Variants in PTK2 observed in about 807,000 individuals in gnomAD.
The protein encoded by PTK2 is focal adhesion kinase 1.
Under a neutral mutation model 150.1 loss-of-function variants are expected in PTK2, and 45 were observed. That is an observed-to-expected ratio of 0.30 (90% CI 0.24 to 0.38). The LOEUF is 0.38. Among genes scored for constraint, PTK2 ranks in the 10% least tolerant of loss-of-function variants. PTK2 has a pLI of 1.00. For synonymous variants in PTK2, 432 were observed against 449.2 expected (o/e 0.96, Z 0.48); for missense variants, 919 against 1,307.3 (o/e 0.70, Z 4.58).
At chr8:140,769,514 A>G in intron 14 of PTK2, 61 bp downstream of exon 16, 2 of 1,142,000 alleles carry the variant, frequency 1.8e-6, no homozygotes, top group South Asian at 1.3e-5. Context: ...ATACTAAACT[A>G]TATTTATTTT....
chr8:140,704,051 C>T (rs147672873), intron 24 of PTK2, among the ~76,000 whole-genome samples: 31 of 152,276 alleles, frequency 2.0e-4, no homozygotes, highest in African/African-American at 7.5e-4. Context: ...TTAGTTCTCA[C>T]AGTTTATTTG....
chr8:140,855,879 T>C (rs148686758), intron 5 of PTK2, among the ~76,000 whole-genome samples: 6 of 152,270 alleles, frequency 3.9e-5, no homozygotes, highest in Non-Finnish European at 5.9e-5. Flanking sequence ...TATGAATGTA[T>C]GTAGCACTGC....
chr8:140,762,764 G>GT (rs1430279213), intron 15 of PTK2, among the ~76,000 whole-genome samples: 6 of 151,746 alleles, frequency 4.0e-5, no homozygotes, highest in Non-Finnish European at 5.9e-5. Flanking sequence ...GTAAACAAGT[G>GT]TTTTGGTGTT....
At chr8:140,761,118 A>C (rs764727243) in intron 16 of PTK2, 47 bp downstream of exon 19, 2 of 1,289,466 alleles carry the variant, frequency 1.6e-6, no homozygotes, top group East Asian at 4.6e-5. Flanking sequence ...ATTTAAACTT[A>C]AATAGTCAAA....
rs1375456115 is a variant in PTK2, at chr8:140,803,661, G to A, written c.868-11C>T. ...AGCAAGATGTGTGGGCTATAAAAAG[G>A]AAAGGTAAAATCTTTAGACTACGGA... On this transcript the variant is annotated splice_polypyrimidine_tract_variant and intron_variant, in intron 10 of 31. Transcript: ENST00000522684. 1.7e-5 allele frequency: 27 copies of A among 1,603,460 alleles called. No individual in the cohort carries two copies. Among genetic ancestry groups the A allele is most frequent in the Admixed American group, 5.0e-5 (3 of 59,908 alleles).
chr8:140,883,807 T>C (rs890158853), intron 3 of PTK2, among the ~76,000 whole-genome samples: 16 of 152,132 alleles, frequency 1.1e-4, no homozygotes, highest in Middle Eastern at 3.2e-3. Context: ...ACCTCTGTAA[T>C]AAATCACCAC....
chr8:140,931,081 A>AG (rs990958788), intron 1 of PTK2, among the ~76,000 whole-genome samples: 76 of 151,818 alleles, frequency 5.0e-4, no homozygotes, highest in African/African-American at 1.8e-3. Flanking sequence ...AAAAAAAAAA[A>AG]AAAAAAGAAA....
At chr8:140,832,779 G>A (rs1293401350) in intron 7 of PTK2, 2 of 515,568 alleles carry the variant, frequency 3.9e-6, no homozygotes, top group East Asian at 5.5e-5. Flanking sequence ...GGCATCAACA[G>A]TTCTGTTTTA....
At chr8:140,706,152 G>C in exon 24 of PTK2, 1 of 1,613,148 alleles carries the variant, frequency 6.2e-7, no homozygotes, top group Non-Finnish European at 8.5e-7. Context: ...TGTGCTGTGG[G>C]CTGGGATAAA....
At chr8:140,773,589 G>A (rs1026801500) in intron 14 of PTK2, among the ~76,000 whole-genome samples, 5 of 152,138 alleles carry the variant, frequency 3.3e-5, no homozygotes, top group Non-Finnish European at 7.4e-5. Flanking sequence ...AGAGGTCAGT[G>A]TGAACACGTG....
At chr8:140,745,629 A>G (rs1232199401) in intron 18 of PTK2, among the ~76,000 whole-genome samples, 1 of 152,162 alleles carries the variant, frequency 6.6e-6, no homozygotes, top group Non-Finnish European at 1.5e-5. Flanking sequence ...TGAGTTTCCA[A>G]GTGTTGGTGA....
chr8:140,830,590 G>T (rs2100114795), intron 7 of PTK2, 64 bp from the exon 8 acceptor site: 3 of 971,920 alleles, frequency 3.1e-6, no homozygotes, highest in Non-Finnish European at 4.6e-6. Flanking sequence ...TGACAAACTT[G>T]CAAGAACATA....
At chr8:140,846,490 C>A in intron 6 of PTK2, 109 bp downstream of exon 6, 1 of 1,120,600 alleles carries the variant, frequency 8.9e-7, no homozygotes, top group South Asian at 1.4e-5. Flanking sequence ...AAATTTTATT[C>A]AGTATTTCAC....
In PTK2 at chr8:140,981,298, A is replaced by G. The variant is rs1263090951; in HGVS notation, c.-122+19827T>C. 2.6e-5 allele frequency among the ~76,000 whole-genome samples: 4 copies of G among 152,006 alleles called. No individual in the cohort carries two copies. The East Asian group carries it at 7.7e-4, about 29-fold the overall frequency. On this transcript the variant is annotated intron_variant, in intron 1 of 31. Coordinates refer to ENST00000522684, the Ensembl canonical transcript of PTK2. ...TGAAAAGGGCTTGAAAAGAAATGAA[A>G]CACTGAGCGGGGCCAAGGAAGGATG...
intron 29 of PTK2, among the ~76,000 whole-genome samples, chr8:140,672,892 T>A (rs2153233429): frequency 6.6e-6 from 1 of 152,338 alleles, no homozygotes; most frequent in Admixed American, 6.5e-5. Context: ...AACAAACTGC[T>A]TAATCTCTGT....
At chr8:140,940,244 A>T (rs142927945) in intron 1 of PTK2, among the ~76,000 whole-genome samples, 62 of 152,278 alleles carry the variant, frequency 4.1e-4, no homozygotes, top group African/African-American at 1.4e-3. Flanking sequence ...ACTACTTTGC[A>T]TTTGGGAGGC....
intron 4 of PTK2, among the ~76,000 whole-genome samples, chr8:140,865,946 G>A (rs899064532): frequency 6.6e-6 from 1 of 152,004 alleles, no homozygotes; most frequent in African/African-American, 2.4e-5. Context: ...CACCATGGCT[G>A]GCTAACTTTT....
intron 29 of PTK2, chr8:140,670,231 T>G (rs1345056743): frequency 6.5e-6 from 1 of 153,040 alleles, no homozygotes; most frequent in Non-Finnish European, 1.5e-5. Context: ...GATTCCTGAC[T>G]TGGGGCTGAG....
intron 27 of PTK2, among the ~76,000 whole-genome samples, chr8:140,685,098 C>A (rs2100019089): frequency 6.6e-6 from 1 of 152,182 alleles, no homozygotes; most frequent in South Asian, 2.1e-4. Flanking sequence ...TTCATACCTA[C>A]AACCATCTCA....
Sources: allele counts gnomAD v4.1 joint callset (sites outside exome capture counted in the v4.1 genomes callset), GRCh38; gene constraint gnomAD v4.1.1; transcripts MANE v1.5; gene names NCBI Gene and HGNC (gene_info 2026-07-23, HGNC 2026-07-21).